The following LRRTM4 variants were observed in gnomAD, a reference collection of about 807,000 sequenced individuals.
The protein encoded by LRRTM4 is leucine rich repeat transmembrane neuronal 4.
Under a neutral mutation model 47.6 loss-of-function variants are expected in LRRTM4, and 25 were observed. The ratio of observed to expected loss-of-function variants is 0.53; its 90% confidence interval spans 0.38 to 0.73. The LOEUF is 0.73. LRRTM4 is among the 30% of genes least tolerant of loss of function. The pLI, the probability that LRRTM4 is intolerant of heterozygous loss-of-function variation, is 0.00. For synonymous variants in LRRTM4, 311 were observed against 269.5 expected (o/e 1.15, Z -1.51); for missense variants, 638 against 713.4 (o/e 0.89, Z 1.20).
chr2:77,297,518 T>G (rs1677005952), intron 3 of LRRTM4, among the ~76,000 whole-genome samples: 1 of 152,200 alleles, frequency 6.6e-6, no homozygotes, highest in Non-Finnish European at 1.5e-5. Flanking sequence ...TCTTCAGGCA[T>G]CTTCCTCATG....
chr2:77,271,348 C>A (rs1676185713), intron 3 of LRRTM4, among the ~76,000 whole-genome samples: 1 of 152,188 alleles, frequency 6.6e-6, no homozygotes, highest in African/African-American at 2.4e-5. Flanking sequence ...GAAGGTGGAA[C>A]TAAAGGAGCA....
intron 3 of LRRTM4, among the ~76,000 whole-genome samples, chr2:77,362,552 T>TG (rs1466522184): frequency 6.6e-6 from 1 of 152,162 alleles, no homozygotes; most frequent in Non-Finnish European, 1.5e-5. Flanking sequence ...CCCCAATCTG[T>TG]TCAGATATCA....
intron 3 of LRRTM4, among the ~76,000 whole-genome samples, chr2:77,028,177 A>G (rs1678518984): frequency 6.6e-6 from 1 of 152,162 alleles, no homozygotes; most frequent in African/African-American, 2.4e-5. Context: ...CTCAAATCTA[A>G]AGTCCAAAGC....
intron 3 of LRRTM4, among the ~76,000 whole-genome samples, chr2:76,807,460 A>G (rs1222998977): frequency 4.2e-4 from 40 of 94,980 alleles, no homozygotes; most frequent in African/African-American, 7.8e-4. Context: ...ATATATATAC[A>G]TATATATATA....
intron 3 of LRRTM4, among the ~76,000 whole-genome samples, chr2:77,345,298 C>T (rs535318648): frequency 4.6e-5 from 7 of 151,582 alleles, no homozygotes; most frequent in South Asian, 4.2e-4. Context: ...AATTGGTAAA[C>T]GGGATTTTAT....
chr2:77,011,095 A>C (rs1677854009), intron 3 of LRRTM4, among the ~76,000 whole-genome samples: 1 of 152,138 alleles, frequency 6.6e-6, no homozygotes, highest in Non-Finnish European at 1.5e-5. Context: ...AATATAATGC[A>C]AGTCCCAAAT....
intron 3 of LRRTM4, among the ~76,000 whole-genome samples, chr2:76,948,090 C>T (rs1303974365): frequency 6.6e-6 from 1 of 151,776 alleles, no homozygotes; most frequent in Non-Finnish European, 1.5e-5. Context: ...AGAGAGATTC[C>T]CAAATAGTAT....
At chr2:77,391,032 G>T (rs1673484208) in intron 3 of LRRTM4, among the ~76,000 whole-genome samples, 1 of 151,680 alleles carries the variant, frequency 6.6e-6, no homozygotes, top group African/African-American at 2.4e-5. Context: ...CTTATTTTTG[G>T]GGAGCATGAC....
chr2:77,290,721 C>CT (rs1356670433), intron 3 of LRRTM4, among the ~76,000 whole-genome samples: 1 of 151,886 alleles, frequency 6.6e-6, no homozygotes, highest in Non-Finnish European at 1.5e-5. Context: ...TAAGTCCAAC[C>CT]TCTAGGATTA....
chr2:77,051,377 G>A (rs577903997), intron 3 of LRRTM4, among the ~76,000 whole-genome samples: 1 of 152,092 alleles, frequency 6.6e-6, no homozygotes, highest in Non-Finnish European at 1.5e-5. Flanking sequence ...AAGTGAGAGT[G>A]AAAGAACTGT....
At chr2:77,350,346 A>G (rs1429520793) in intron 3 of LRRTM4, among the ~76,000 whole-genome samples, 1 of 147,066 alleles carries the variant, frequency 6.8e-6, no homozygotes, top group African/African-American at 2.5e-5. Context: ...AAAAAAAAAA[A>G]AAAAAAAAAA....
At chr2:77,489,679 G>A (rs745772744) in intron 3 of LRRTM4, among the ~76,000 whole-genome samples, 4 of 152,130 alleles carry the variant, frequency 2.6e-5, no homozygotes, top group Non-Finnish European at 5.9e-5. Context: ...CTTACAACAT[G>A]CAAGAATTGT....
At chr2:77,039,775 C>A (rs72924983) in intron 3 of LRRTM4, among the ~76,000 whole-genome samples, 1 of 150,680 alleles carries the variant, frequency 6.6e-6, no homozygotes, top group South Asian at 2.1e-4. Flanking sequence ...AAATTTTTGT[C>A]TTTTTCTTTA....
intron 3 of LRRTM4, among the ~76,000 whole-genome samples, chr2:77,413,235 G>GT (rs1674508487): frequency 6.6e-6 from 1 of 152,076 alleles, no homozygotes; most frequent in African/African-American, 2.4e-5. Context: ...AACGAAATTT[G>GT]TTGCTTGATA....
In LRRTM4 at chr2:76,814,032, G is replaced by A. The variant is rs188145720; in HGVS notation, c.1552-65116C>T. Among the ~76,000 whole-genome samples, 32 of 152,092 alleles carry A rather than the reference G, an allele frequency of 2.1e-4. No homozygotes were observed. In the East Asian group the frequency reaches 3.1e-3, roughly 15 times the overall value. On this transcript the variant is annotated intron_variant, in intron 3 of 3. Coordinates refer to ENST00000409884, the MANE Select transcript of LRRTM4 (RefSeq NM_001134745.3). ...CCCTCTGGGCTCTGACTGTGTCTCAGACTTTCCTTACTTTTGATGACTTTG... is the reference window on the plus strand; with the variant it reads ...CCCTCTGGGCTCTGACTGTGTCTCAAACTTTCCTTACTTTTGATGACTTTG...
intron 3 of LRRTM4, among the ~76,000 whole-genome samples, chr2:77,044,541 GGTGTGTGTGTCTGTGA>G (rs1192228752): frequency 2.6e-5 from 4 of 151,354 alleles, no homozygotes; most frequent in East Asian, 1.9e-4. Context: ...ATTAGTCAAG[GGTGTGTGTGTCTGTGA>G]GTGTGTGTGT....
intron 3 of LRRTM4, among the ~76,000 whole-genome samples, chr2:77,108,623 G>C (rs1019742809): frequency 1.0e-3 from 145 of 139,920 alleles, no homozygotes; most frequent in Non-Finnish European, 1.3e-3. Context: ...TCGCTCTGTC[G>C]CCCAGGCTGG....
At chr2:77,123,972 G>A (rs1005248745) in intron 3 of LRRTM4, among the ~76,000 whole-genome samples, 1 of 152,124 alleles carries the variant, frequency 6.6e-6, no homozygotes, top group Non-Finnish European at 1.5e-5. Flanking sequence ...GCAGAAGTTG[G>A]TGAGCCAAGG....
chr2:77,432,684 G>A (rs759081297), intron 3 of LRRTM4, among the ~76,000 whole-genome samples: 2 of 152,106 alleles, frequency 1.3e-5, no homozygotes, highest in Non-Finnish European at 2.9e-5. Flanking sequence ...GCTAGAGATA[G>A]GTAAAGAGAT....
Sources: allele counts gnomAD v4.1 joint callset (sites outside exome capture counted in the v4.1 genomes callset), GRCh38; gene constraint gnomAD v4.1.1; transcripts MANE v1.5; gene names NCBI Gene and HGNC (gene_info 2026-07-23, HGNC 2026-07-21).